The following SPECC1 variants were observed in gnomAD, a reference collection of about 807,000 sequenced individuals.
The protein encoded by SPECC1 is cytospin-B.
A neutral mutation model predicts 104.1 loss-of-function variants in SPECC1; 62 were observed. The observed-to-expected ratio is 0.60, with a 90% CI of 0.49 to 0.74. The LOEUF (loss-of-function observed/expected upper bound fraction) is 0.74, where lower values mean the gene tolerates loss of function less well. Among genes scored for constraint, SPECC1 ranks in the 30% least tolerant of loss-of-function variants. SPECC1 has a pLI of 0.00. For synonymous variants in SPECC1, 513 were observed against 501.6 expected (o/e 1.02, Z -0.30); for missense variants, 1,306 against 1,310.5 (o/e 1.00, Z 0.05).
chr17:20,071,420 G>A lies in SPECC1; in HGVS notation c.-21-25211G>A, dbSNP rs12602341. Among the ~76,000 whole-genome samples, 822 of 152,092 alleles carry A rather than the reference G, an allele frequency of 5.4e-3. 16 individuals carry two copies. In the East Asian group the frequency reaches 0.065, roughly 12 times the overall value. On this transcript the variant is annotated intron_variant, in intron 1 of 14. Transcript: ENST00000395527. ...TGTGTGTGTAATTTTCTCCTTTAGA[G>A]AAGAATCAAGTTACTTGATAGCTTC...
At chr17:20,182,119 C>CTTTTTTTTTTTTTTTTTT (rs57991209) in intron 3 of SPECC1, among the ~76,000 whole-genome samples, 7 of 136,576 alleles carry the variant, frequency 5.1e-5, no homozygotes, top group African/African-American at 1.1e-4. Context: ...CTTTCTTTTT[C>CTTTTTTTTTTTTTTTTTT]TTTTTTTTTT....
intron 1 of SPECC1, among the ~76,000 whole-genome samples, chr17:20,019,437 G>A (rs757902408): frequency 1.1e-4 from 16 of 152,016 alleles, no homozygotes; most frequent in Admixed American, 3.9e-4. Context: ...AGGTGAAACT[G>A]AGTGGAGAAC....
intron 12 of SPECC1, among the ~76,000 whole-genome samples, chr17:20,282,201 AG>A (rs1348229954): frequency 1.3e-5 from 2 of 152,218 alleles, no homozygotes; most frequent in East Asian, 3.9e-4. Context: ...CAAGAAAGAC[AG>A]GGCCCCAGCT....
chr17:20,093,636 G>A (rs574642691), intron 1 of SPECC1, among the ~76,000 whole-genome samples: 2 of 152,202 alleles, frequency 1.3e-5, no homozygotes, highest in East Asian at 1.9e-4. Context: ...TGGGCCTAGG[G>A]GTGCACCTGC....
At chr17:20,183,909 G>C (rs896068514) in intron 3 of SPECC1, among the ~76,000 whole-genome samples, 2 of 151,750 alleles carry the variant, frequency 1.3e-5, no homozygotes, top group African/African-American at 4.8e-5. Flanking sequence ...GGTGGCTCAC[G>C]CTTATAATCC....
intron 1 of SPECC1, among the ~76,000 whole-genome samples, chr17:20,040,710 T>C (rs4577147): frequency 0.23 from 34,467 of 152,198 alleles, 4,764 homozygotes; most frequent in Middle Eastern, 0.35. Flanking sequence ...TTTTCCCTTA[T>C]ACATGAAGTG....
intron 7 of SPECC1, chr17:20,239,213 A>AT: frequency 9.8e-7 from 1 of 1,017,812 alleles, no homozygotes; most frequent in South Asian, 4.6e-5. Context: ...TAGATTGATG[A>AT]TTTAATGTAT....
chr17:20,228,878 G>A (rs753532439), intron 5 of SPECC1, among the ~76,000 whole-genome samples: 6 of 152,166 alleles, frequency 3.9e-5, no homozygotes, highest in Non-Finnish European at 7.3e-5. Flanking sequence ...AATGCACAAA[G>A]CATTTAGTCA....
chr17:20,112,775 C>A, intron 3 of SPECC1: 1 of 1,345,688 alleles, frequency 7.4e-7, no homozygotes, highest in Non-Finnish European at 1.1e-6. Flanking sequence ...GGAAGGAAGT[C>A]AGATAACAGG....
At chr17:20,041,630 T>TG (rs1180847188) in intron 1 of SPECC1, among the ~76,000 whole-genome samples, 1 of 136,414 alleles carries the variant, frequency 7.3e-6, no homozygotes, top group African/African-American at 2.7e-5. Context: ...CTTTTTTTTT[T>TG]TTTTTTTTTT....
At chr17:20,298,738 G>C (rs1307984771) in intron 13 of SPECC1, among the ~76,000 whole-genome samples, 2 of 152,016 alleles carry the variant, frequency 1.3e-5, no homozygotes, top group Non-Finnish European at 2.9e-5. Context: ...TGACGCCCTG[G>C]TGTCTAGTTT....
At chr17:20,090,469 G>A (rs2047356311) in intron 1 of SPECC1, among the ~76,000 whole-genome samples, 1 of 152,070 alleles carries the variant, frequency 6.6e-6, no homozygotes, top group Non-Finnish European at 1.5e-5. Context: ...AAGGCCCGGA[G>A]CCAGGACTTG....
chr17:20,185,217 C>T (rs1174386824), intron 3 of SPECC1: 1 of 152,344 alleles, frequency 6.6e-6, no homozygotes, highest in Non-Finnish European at 1.5e-5. Flanking sequence ...CACATGCCCT[C>T]CTACAGTGTG....
chr17:20,249,192 G>A (rs1349292931), intron 9 of SPECC1, among the ~76,000 whole-genome samples: 1 of 152,130 alleles, frequency 6.6e-6, no homozygotes, highest in African/African-American at 2.4e-5. Flanking sequence ...GGCCGAAGCA[G>A]GCAGATCACG....
chr17:20,044,959 C>T (rs530901378), intron 1 of SPECC1, among the ~76,000 whole-genome samples: 3 of 152,182 alleles, frequency 2.0e-5, no homozygotes, highest in Admixed American at 2.0e-4. Context: ...TGAATAAGAA[C>T]TCTTTTATTC....
chr17:20,314,553 T>C lies in SPECC1; in HGVS notation c.*488T>C, dbSNP rs1415866738. 4 of 276,158 alleles carry C rather than the reference T, an allele frequency of 1.4e-5. No individual in the cohort carries two copies. The highest frequency in any genetic ancestry group is 2.8e-5 in the Non-Finnish European group (4 of 142,308). 17.1% of individuals were successfully genotyped at this position (276,158 alleles called of 1,614,324 possible). A position where few individuals can be genotyped will look rare whatever the true frequency, so the allele number is the denominator to read the frequency against. On this transcript the variant is annotated 3_prime_UTR_variant, in exon 15 of 15. Transcript: ENST00000395527. ...ACTTTAGGAAGCCAAGGCAGTAGGA[T>C]CGTTTGAGCCCAGGAGTTCGAGGCT... is the stretch of plus-strand genomic sequence containing the variant.
At chr17:20,056,751 T>G (rs1370964722) in intron 1 of SPECC1, 1 of 152,220 alleles carries the variant, frequency 6.6e-6, no homozygotes, top group Non-Finnish European at 1.5e-5. Flanking sequence ...GGAAAAACAC[T>G]TTTTCTAACC....
intron 3 of SPECC1, among the ~76,000 whole-genome samples, chr17:20,138,461 C>T (rs769511183): frequency 3.9e-5 from 6 of 152,118 alleles, no homozygotes; most frequent in Non-Finnish European, 7.3e-5. Flanking sequence ...TGCCACGTAT[C>T]GGCAATTGTA....
intron 1 of SPECC1, among the ~76,000 whole-genome samples, chr17:20,035,361 T>G (rs1220592730): frequency 6.6e-6 from 1 of 152,206 alleles, no homozygotes; most frequent in Non-Finnish European, 1.5e-5. Context: ...TTATCCTGTG[T>G]AATAATTTGG....
Sources: gnomAD v4.1 joint callset for allele counts (sites outside exome capture counted in the v4.1 genomes callset) on GRCh38, gnomAD v4.1.1 for gene constraint, MANE v1.5 for transcripts, NCBI Gene and HGNC (gene_info 2026-07-23, HGNC 2026-07-21) for gene names.